Variants in FRMD4A observed in about 807,000 individuals in gnomAD.
The protein encoded by FRMD4A is FERM domain-containing protein 4A.
FRMD4A carries 29 observed loss-of-function variants against 129.1 expected under a neutral mutation model. The observed-to-expected ratio is 0.22, with a 90% CI of 0.17 to 0.31. FRMD4A has a LOEUF of 0.31. Ranked by LOEUF, FRMD4A falls within the 10% of genes least tolerant of loss-of-function variation. The pLI is 1.00. For missense variants in FRMD4A, 1,272 were observed against 1,375.8 expected (o/e 0.92, Z 1.19); for synonymous variants, 634 against 571.6 (o/e 1.11, Z -1.56).
chr10:14,211,183 T>A (rs1842924997), intron 2 of FRMD4A, among the ~76,000 whole-genome samples: 1 of 152,196 alleles, frequency 6.6e-6, no homozygotes, highest in South Asian at 2.1e-4. Flanking sequence ...TAAACAACAT[T>A]ATTAGCTAAT....
chr10:13,666,385 C>A (rs1168277192), intron 17 of FRMD4A, 60 bp from the exon 18 acceptor site: 2 of 1,149,662 alleles, frequency 1.7e-6, no homozygotes, highest in African/African-American at 3.0e-5. Context: ...AGACCCTCAT[C>A]CTTCCCTCCC....
intron 2 of FRMD4A, among the ~76,000 whole-genome samples, chr10:14,207,298 G>A (rs569607649): frequency 1.2e-3 from 189 of 152,184 alleles, no homozygotes; most frequent in African/African-American, 3.5e-3. Context: ...ATTTTTCCAC[G>A]GATGGGGGTG....
chr10:13,697,733 G>GAA (rs113712668), intron 14 of FRMD4A, among the ~76,000 whole-genome samples: 17 of 151,142 alleles, frequency 1.1e-4, no homozygotes, highest in African/African-American at 3.6e-4. Context: ...ATCAGGGAGA[G>GAA]AAAAAAAAAG....
intron 15 of FRMD4A, among the ~76,000 whole-genome samples, chr10:13,678,590 G>T (rs2084200293): frequency 6.6e-6 from 1 of 152,250 alleles, no homozygotes; most frequent in Non-Finnish European, 1.5e-5. Flanking sequence ...GGTTGAACAT[G>T]AGCATGTGTG....
chr10:13,750,061 GAAGGAAGGAAGAAAGAAAGAAAGA>G (rs879289758), intron 8 of FRMD4A, among the ~76,000 whole-genome samples: 3,130 of 44,790 alleles, frequency 0.07, 65 homozygotes, highest in Middle Eastern at 0.13. Flanking sequence ...AGGAAGGAAG[GAAGGAAGGAAGAAAGAAAGAAAGA>G]AAGAAAGAAA....
At chr10:13,834,688 G>A (rs970944312) in intron 3 of FRMD4A, among the ~76,000 whole-genome samples, 1 of 152,174 alleles carries the variant, frequency 6.6e-6, no homozygotes, top group African/African-American at 2.4e-5. Context: ...TACAAAGCAC[G>A]TCAGGAGAAC....
chr10:13,851,042 C>T (rs1479585129), intron 3 of FRMD4A, among the ~76,000 whole-genome samples: 1 of 152,084 alleles, frequency 6.6e-6, no homozygotes, highest in African/African-American at 2.4e-5. Flanking sequence ...CAGTGAAATC[C>T]CGTCTTTACA....
intron 2 of FRMD4A, among the ~76,000 whole-genome samples, chr10:14,054,068 G>A (rs1834390802): frequency 6.6e-6 from 1 of 151,774 alleles, no homozygotes; most frequent in African/African-American, 2.4e-5. Context: ...GGGAGGGTGA[G>A]GTGGGATGAT....
intron 2 of FRMD4A, among the ~76,000 whole-genome samples, chr10:14,281,777 G>A (rs1845527308): frequency 6.6e-6 from 1 of 152,186 alleles, no homozygotes. Context: ...GCAACTGTCT[G>A]CCTTCTGAGC....
intron 2 of FRMD4A, chr10:13,972,108 C>A: frequency 7.3e-6 from 8 of 1,090,624 alleles, no homozygotes; most frequent in Non-Finnish European, 9.0e-6. Flanking sequence ...GTGCAGATAA[C>A]GGCACATCCC....
chr10:14,246,442 C>A (rs1051591056), intron 2 of FRMD4A, among the ~76,000 whole-genome samples: 4 of 152,080 alleles, frequency 2.6e-5, no homozygotes, highest in Non-Finnish European at 1.5e-5. Flanking sequence ...CACTCATACA[C>A]AATCACACAT....
rs1393266612 is a variant in FRMD4A at position 14,090,558 on chromosome 10, G to A, written c.46-231646C>T. Among the ~76,000 whole-genome samples, 6 of 152,164 alleles carry A rather than the reference G, an allele frequency of 3.9e-5. No homozygotes were observed. In the South Asian group the frequency reaches 8.3e-4, roughly 21 times the overall value. On this transcript the variant is annotated intron_variant, in intron 2 of 24. Transcript: ENST00000357447. ...GAGCACGGGGTTGGGTTAGAGCCAGGCAGCATCCCCCCAGCCGCTCCATGC... is the reference window on the plus strand; with the variant it reads ...GAGCACGGGGTTGGGTTAGAGCCAGACAGCATCCCCCCAGCCGCTCCATGC...
At position 13,858,829 on chromosome 10, in the gene FRMD4A, T is replaced by C. The variant is rs774422491; in HGVS notation, c.111+18A>G. 26 of 1,502,740 alleles carry C rather than the reference T, an allele frequency of 1.7e-5. No individual in the cohort carries two copies. The highest frequency in any genetic ancestry group is 2.3e-5 in the Non-Finnish European group (25 of 1,078,540). The allele number at this position is 1,502,740 out of a possible 1,614,324, so 93.1% of individuals were successfully genotyped here. On this transcript the variant is annotated intron_variant, in intron 3 of 24. Transcript: ENST00000357447. ...CAGTCACCAAAGAAACTCAGAAAGT[T>C]GACCAAAAGCGATTTACCTGTACTA... is the stretch of plus-strand genomic sequence containing the variant.
intron 2 of FRMD4A, among the ~76,000 whole-genome samples, chr10:14,065,156 C>T (rs1834995412): frequency 1.3e-5 from 2 of 152,012 alleles, no homozygotes; most frequent in Admixed American, 6.6e-5. Context: ...AGAATAGCCT[C>T]GCCTAATTCA....
chr10:14,149,657 G>A (rs372437646), intron 2 of FRMD4A, among the ~76,000 whole-genome samples: 17 of 152,094 alleles, frequency 1.1e-4, no homozygotes, highest in African/African-American at 1.9e-4. Flanking sequence ...GACATGAGCC[G>A]CCACACCTGG....
At chr10:13,737,789 C>T (rs2090730732) in intron 12 of FRMD4A, 55 bp downstream of exon 12, 4 of 956,342 alleles carry the variant, frequency 4.2e-6, no homozygotes, top group Non-Finnish European at 5.2e-6. Context: ...GACTCCTACG[C>T]CTGTTCCTCT....
intron 12 of FRMD4A, among the ~76,000 whole-genome samples, chr10:13,720,951 T>C (rs2089355226): frequency 6.6e-6 from 1 of 152,206 alleles, no homozygotes. Context: ...GCAAACATTC[T>C]CTAAGTGAAA....
At chr10:13,786,664 GAAT>G (rs2092873216) in intron 5 of FRMD4A, among the ~76,000 whole-genome samples, 2 of 152,058 alleles carry the variant, frequency 1.3e-5, no homozygotes, top group African/African-American at 4.8e-5. Flanking sequence ...AGGGTAGGCA[GAAT>G]AATAAAAGAA....
At chr10:14,307,762 T>A (rs1846401288) in intron 2 of FRMD4A, among the ~76,000 whole-genome samples, 1 of 152,008 alleles carries the variant, frequency 6.6e-6, no homozygotes, top group Admixed American at 6.6e-5. Flanking sequence ...AAGCATCCCC[T>A]CTCACCGAGC....
Sources: allele counts gnomAD v4.1 joint callset (sites outside exome capture counted in the v4.1 genomes callset), GRCh38; gene constraint gnomAD v4.1.1; transcripts MANE v1.5; gene names NCBI Gene and HGNC (gene_info 2026-07-23, HGNC 2026-07-21).